NFIB: variants seen among roughly 807,000 people sequenced by gnomAD.
The protein encoded by NFIB is nuclear factor 1 B-type.
A neutral mutation model predicts 61.5 loss-of-function variants in NFIB; 11 were observed. The ratio of observed to expected loss-of-function variants is 0.18; its 90% CI spans 0.11 to 0.30. NFIB has a LOEUF of 0.30. NFIB is among the 10% of genes least tolerant of loss of function. The pLI is 1.00. For missense variants in NFIB, 471 were observed against 608.9 expected (o/e 0.77, Z 2.38); for synonymous variants, 260 against 216.5 (o/e 1.20, Z -1.76).
At chr9:14,122,320 C>T (rs1391600222) in intron 7 of NFIB, among the ~76,000 whole-genome samples, 6 of 152,102 alleles carry the variant, frequency 3.9e-5, no homozygotes, top group Non-Finnish European at 5.9e-5. Flanking sequence ...GTTCTCTGAA[C>T]GTCCAGAGCA....
In NFIB at chr9:14,336,535, A is replaced by G. The variant is rs138549411; in HGVS notation, c.109-29015T>C. ...CCAGGCATTGCTGGGTGTTTTGTAT[A>G]TAGCAACTCACTTTTTCTAAGATGC... On this transcript the variant is annotated intron_variant, in intron 1 of 8. Coordinates refer to the NFIB transcript ENST00000380934. Among the ~76,000 whole-genome samples, 65 of 152,334 alleles carry G rather than the reference A, an allele frequency of 4.3e-4. No homozygotes were observed. The East Asian group carries it at 0.012, about 28-fold the overall frequency.
chr9:14,200,196 TCTC>T (rs890111484), intron 2 of NFIB, among the ~76,000 whole-genome samples: 1 of 152,154 alleles, frequency 6.6e-6, no homozygotes, highest in African/African-American at 2.4e-5. Context: ...CAAATTAGCT[TCTC>T]CTCCTTAAAA....
At chr9:14,385,832 G>A (rs2061543486) in intron 1 of NFIB, among the ~76,000 whole-genome samples, 1 of 151,138 alleles carries the variant, frequency 6.6e-6, no homozygotes, top group Admixed American at 6.6e-5. Flanking sequence ...TCCCAGGCTG[G>A]AGTGCAGTGG....
chr9:14,187,158 C>A (rs953723303), intron 2 of NFIB, among the ~76,000 whole-genome samples: 6 of 150,474 alleles, frequency 4.0e-5, no homozygotes, highest in African/African-American at 1.5e-4. Context: ...TTGGAGTCCA[C>A]TTCACTGCAA....
the NFIB span, among the ~76,000 whole-genome samples, chr9:14,492,356 T>C: frequency 7.6e-6 from 1 of 130,756 alleles, no homozygotes; most frequent in Non-Finnish European, 1.6e-5. Context: ...GAGTGAGACT[T>C]TGCCTCAAAA....
chr9:14,464,660 G>C, the NFIB span, among the ~76,000 whole-genome samples: 3 of 152,114 alleles, frequency 2.0e-5, no homozygotes, highest in Non-Finnish European at 4.4e-5. Flanking sequence ...TGCCAGGATG[G>C]AGGAGGTGGG....
chr9:14,123,134 G>A (rs1234241771), intron 7 of NFIB, among the ~76,000 whole-genome samples: 4 of 151,754 alleles, frequency 2.6e-5, no homozygotes, highest in Non-Finnish European at 5.9e-5. Context: ...GTGAGTGCCT[G>A]TAATCCCAGT....
At chr9:14,106,619 CTACA>C (rs2036598491) in intron 10 of NFIB, among the ~76,000 whole-genome samples, 1 of 152,004 alleles carries the variant, frequency 6.6e-6, no homozygotes, top group African/African-American at 2.4e-5. Context: ...TCTCAAATGG[CTACA>C]TAAAGGGGAA....
Position 14,387,738 on chromosome 9 carries a change from T to C in NFIB, c.108+10786A>G, listed in dbSNP as rs1482572999. Among the ~76,000 whole-genome samples, 3 of 152,242 alleles carry C rather than the reference T, an allele frequency of 2.0e-5. No homozygotes were observed. The East Asian group carries it at 5.8e-4, about 29-fold the overall frequency. On this transcript the variant is annotated intron_variant, in intron 1 of 8. Transcript: ENST00000380934. Reference sequence around the variant, plus strand: ...TGGTACAATAATTCTTAGAATATTTTAGCAATACTTACAGAGTTAATTAAG... The same window carrying C: ...TGGTACAATAATTCTTAGAATATTTCAGCAATACTTACAGAGTTAATTAAG...
At chr9:14,505,772 C>T in the NFIB span, among the ~76,000 whole-genome samples, 1 of 152,098 alleles carries the variant, frequency 6.6e-6, no homozygotes, top group Non-Finnish European at 1.5e-5. Flanking sequence ...GGGGCCCCCA[C>T]CTGGGTATCA....
chr9:14,473,041 A>G, the NFIB span, among the ~76,000 whole-genome samples: 2 of 152,210 alleles, frequency 1.3e-5, no homozygotes, highest in South Asian at 2.1e-4. Flanking sequence ...GATGTTCAGC[A>G]TCCCATGATG....
chr9:14,128,213 A>G, intron 6 of NFIB, among the ~76,000 whole-genome samples: 1 of 152,174 alleles, frequency 6.6e-6, no homozygotes, highest in East Asian at 1.9e-4. Context: ...CTTGTTATAG[A>G]TGATGCAATC....
At chr9:14,432,920 T>A in the NFIB span, among the ~76,000 whole-genome samples, 1 of 152,238 alleles carries the variant, frequency 6.6e-6, no homozygotes, top group Non-Finnish European at 1.5e-5. Context: ...AAGAATTTGC[T>A]GGCTCTGAAA....
At chr9:14,479,831 G>A in the NFIB span, among the ~76,000 whole-genome samples, 58 of 152,128 alleles carry the variant, frequency 3.8e-4, no homozygotes, top group Middle Eastern at 3.4e-3. Context: ...TAAACACTAC[G>A]GGAAACAAAC....
chr9:14,422,309 A>G, the NFIB span, among the ~76,000 whole-genome samples: 5 of 152,296 alleles, frequency 3.3e-5, no homozygotes, highest in African/African-American at 9.6e-5. Flanking sequence ...TGATCAGTTG[A>G]AATTCATTAA....
chr9:14,456,078 A>G, the NFIB span, among the ~76,000 whole-genome samples: 1 of 152,202 alleles, frequency 6.6e-6, no homozygotes, highest in Non-Finnish European at 1.5e-5. Context: ...CAAATGGATC[A>G]AAGCATTGAA....
chr9:14,382,501 C>A (rs1412808314), intron 1 of NFIB, among the ~76,000 whole-genome samples: 1 of 151,996 alleles, frequency 6.6e-6, no homozygotes. Context: ...TTTTGCTGGC[C>A]ACAGGGCCAG....
chr9:14,203,205 C>A (rs1216246002), intron 2 of NFIB, among the ~76,000 whole-genome samples: 1 of 151,982 alleles, frequency 6.6e-6, no homozygotes, highest in Non-Finnish European at 1.5e-5. Context: ...TTAAGCCAGG[C>A]CCATGGCATC....
chr9:14,237,969 G>T (rs1165841148), intron 2 of NFIB, among the ~76,000 whole-genome samples: 1 of 151,732 alleles, frequency 6.6e-6, no homozygotes, highest in African/African-American at 2.4e-5. Context: ...GGTCTAGGAG[G>T]GGTAAGAAAC....
Sources: gnomAD v4.1 joint callset for allele counts (sites outside exome capture counted in the v4.1 genomes callset) on GRCh38, gnomAD v4.1.1 for gene constraint, MANE v1.5 for transcripts, NCBI Gene and HGNC (gene_info 2026-07-23, HGNC 2026-07-21) for gene names.